The following OSBPL9 variants were observed in gnomAD, a reference collection of about 807,000 sequenced individuals.
OSBPL9 encodes the protein oxysterol binding protein like 9.
A neutral mutation model predicts 106.6 loss-of-function variants in OSBPL9; 40 were observed. That is an observed-to-expected ratio of 0.38 (90% CI 0.29 to 0.49). OSBPL9 has a LOEUF of 0.49. Among genes scored for constraint, OSBPL9 ranks in the 20% least tolerant of loss-of-function variants. OSBPL9 has a pLI of 0.97. For synonymous variants in OSBPL9, 269 were observed against 295.4 expected (o/e 0.91, Z 0.92); for missense variants, 609 against 887.2 (o/e 0.69, Z 3.98).
chr1:51,766,519 C>T (rs1388378008), intron 12 of OSBPL9, among the ~76,000 whole-genome samples: 4 of 152,054 alleles, frequency 2.6e-5, no homozygotes, highest in Non-Finnish European at 5.9e-5. Context: ...TAATGAAATA[C>T]GTGGTATGGT....
intron 2 of OSBPL9, among the ~76,000 whole-genome samples, chr1:51,655,422 T>A (rs758852851): frequency 6.6e-6 from 1 of 152,236 alleles, no homozygotes; most frequent in Non-Finnish European, 1.5e-5. Flanking sequence ...ATGTCAGCGA[T>A]GTGCATTGAA....
At chr1:51,537,478 G>C in the OSBPL9 span, among the ~76,000 whole-genome samples, 1 of 152,090 alleles carries the variant, frequency 6.6e-6, no homozygotes, top group Non-Finnish European at 1.5e-5. Flanking sequence ...CATTCCTATT[G>C]GAGTGTAATT....
intron 1 of OSBPL9, among the ~76,000 whole-genome samples, chr1:51,631,650 G>T (rs940011236): frequency 3.3e-5 from 5 of 152,188 alleles, no homozygotes; most frequent in Non-Finnish European, 5.9e-5. Context: ...CTATGCCTTA[G>T]CAGGATTCAG....
the OSBPL9 span, among the ~76,000 whole-genome samples, chr1:51,520,734 T>G: frequency 6.6e-6 from 1 of 152,186 alleles, no homozygotes; most frequent in African/African-American, 2.4e-5. Context: ...CACCTAAGTT[T>G]TTAGACTATT....
chr1:51,549,664 T>G, the OSBPL9 span, among the ~76,000 whole-genome samples: 5 of 152,170 alleles, frequency 3.3e-5, no homozygotes, highest in Non-Finnish European at 7.3e-5. Context: ...AAACACTGTC[T>G]CTACTAAAAA....
At chr1:51,526,307 G>A in the OSBPL9 span, among the ~76,000 whole-genome samples, 32 of 152,320 alleles carry the variant, frequency 2.1e-4, no homozygotes, top group African/African-American at 6.3e-4. Flanking sequence ...CCAGAAGAGC[G>A]AGATGTCTGG....
chr1:51,541,418 T>C, the OSBPL9 span, among the ~76,000 whole-genome samples: 2 of 152,260 alleles, frequency 1.3e-5, no homozygotes, highest in Admixed American at 6.5e-5. Flanking sequence ...CTCAAACTCA[T>C]GGCCTCTCTC....
chr1:51,589,961 A>G (rs1645265591), intron 1 of OSBPL9, among the ~76,000 whole-genome samples: 1 of 140,798 alleles, frequency 7.1e-6, no homozygotes, highest in Non-Finnish European at 1.5e-5. Flanking sequence ...TGAACCTGGG[A>G]GGCGGAGGTT....
chr1:51,549,671 A>C, the OSBPL9 span, among the ~76,000 whole-genome samples: 1 of 152,222 alleles, frequency 6.6e-6, no homozygotes, highest in African/African-American at 2.4e-5. Context: ...GTCTCTACTA[A>C]AAATACAAAA....
chr1:51,658,452 A>C (rs1646949372), intron 2 of OSBPL9, among the ~76,000 whole-genome samples: 1 of 152,196 alleles, frequency 6.6e-6, no homozygotes, highest in African/African-American at 2.4e-5. Flanking sequence ...GGAATCACCA[A>C]AGAAAAATGA....
At chr1:51,606,990 C>G (rs1172077280) in intron 2 of OSBPL9, among the ~76,000 whole-genome samples, 1 of 151,472 alleles carries the variant, frequency 6.6e-6, no homozygotes, top group East Asian at 2.0e-4. Context: ...GCGGAGCTTG[C>G]AGTGAGCCGA....
chr1:51,595,562 GGGAGGA>G (rs1453815689), intron 1 of OSBPL9, among the ~76,000 whole-genome samples: 1 of 152,180 alleles, frequency 6.6e-6, no homozygotes, highest in Non-Finnish European at 1.5e-5. Context: ...AAATGGGGGA[GGGAGGA>G]GGAGGAGCAG....
chr1:51,695,499 G>C (rs1655830487), intron 3 of OSBPL9, among the ~76,000 whole-genome samples: 1 of 152,186 alleles, frequency 6.6e-6, no homozygotes, highest in South Asian at 2.1e-4. Flanking sequence ...AACCCCTTTT[G>C]GACCCAAGTT....
At chr1:51,662,889 C>T (rs944834063) in intron 2 of OSBPL9, among the ~76,000 whole-genome samples, 5 of 151,814 alleles carry the variant, frequency 3.3e-5, no homozygotes, top group African/African-American at 7.3e-5. Flanking sequence ...GGACTACAGG[C>T]GCCCACCACC....
chr1:51,788,117 G>T lies in OSBPL9; in HGVS notation c.*328G>T. ...CTCTGCGCTCTAGTACTGCTGTTAAGATACACAACTTGTTTCTTAGTTCAT... is the reference window on the plus strand; with the variant it reads ...CTCTGCGCTCTAGTACTGCTGTTAATATACACAACTTGTTTCTTAGTTCAT... On this transcript the variant is annotated 3_prime_UTR_variant, in exon 24 of 24. Transcript: ENST00000428468. 3.4e-6 allele frequency: 1 copy of T among 293,150 alleles called. No individual in the cohort carries two copies. The allele number at this position is 293,150 out of a possible 1,614,324, so 18.2% of individuals were successfully genotyped here. A position where few individuals can be genotyped will look rare whatever the true frequency, so the allele number is the denominator to read the frequency against.
the OSBPL9 span, among the ~76,000 whole-genome samples, chr1:51,552,409 A>G: frequency 1.3e-5 from 2 of 152,222 alleles, no homozygotes; most frequent in African/African-American, 4.8e-5. Context: ...TTCTCCACTT[A>G]TAGATGAAGA....
At chr1:51,677,169 G>A (rs755120327) in intron 3 of OSBPL9, among the ~76,000 whole-genome samples, 10 of 152,204 alleles carry the variant, frequency 6.6e-5, no homozygotes, top group Admixed American at 1.3e-4. Flanking sequence ...AGATTCTTGC[G>A]CTCTGCCCCT....
the OSBPL9 span, among the ~76,000 whole-genome samples, chr1:51,534,159 G>A: frequency 0.041 from 6,184 of 151,134 alleles, 173 homozygotes; most frequent in Middle Eastern, 0.058. Context: ...AGCTGAGATC[G>A]TGCCACTGCA....
At chr1:51,676,919 A>T (rs990493168) in intron 3 of OSBPL9, among the ~76,000 whole-genome samples, 3 of 152,174 alleles carry the variant, frequency 2.0e-5, no homozygotes, top group Admixed American at 2.0e-4. Context: ...TATTGCTACT[A>T]CCAAATATCT....
Sources: allele counts gnomAD v4.1 joint callset (sites outside exome capture counted in the v4.1 genomes callset), GRCh38; gene constraint gnomAD v4.1.1; transcripts MANE v1.5; gene names NCBI Gene and HGNC (gene_info 2026-07-23, HGNC 2026-07-21).